ABHD17C: variants seen among roughly 807,000 people sequenced by gnomAD.
ABHD17C encodes alpha/beta hydrolase domain-containing protein 17C.
A neutral mutation model predicts 27.9 loss-of-function variants in ABHD17C; 11 were observed. The observed-to-expected ratio is 0.39, with a 90% confidence interval of 0.25 to 0.65. The LOEUF is 0.65. Ranked by LOEUF, ABHD17C falls within the 30% of genes least tolerant of loss-of-function variation. The pLI, the probability that ABHD17C is intolerant of heterozygous loss-of-function variation, is 0.45. For synonymous variants in ABHD17C, 233 were observed against 209.1 expected, an observed-to-expected ratio of 1.11 and a Z score of -0.98; for missense variants, 280 against 470.2, an observed-to-expected ratio of 0.60 and a Z score of 3.74.
chr15:80,736,619 G>A (rs978543047), intron 1 of ABHD17C, among the ~76,000 whole-genome samples: 7 of 152,012 alleles, frequency 4.6e-5, no homozygotes, highest in African/African-American at 1.7e-4. Context: ...TAACATTCAC[G>A]TTACCTTGTG....
At chr15:80,723,138 A>ATATGTGTGTGTGTG (rs58011508) in intron 1 of ABHD17C, among the ~76,000 whole-genome samples, 3 of 124,936 alleles carry the variant, frequency 2.4e-5, no homozygotes, top group African/African-American at 3.9e-5. Flanking sequence ...GTGTGTATAT[A>ATATGTGTGTGTGTG]TGTGTGTGTG....
intron 1 of ABHD17C, among the ~76,000 whole-genome samples, chr15:80,697,238 C>G (rs927080562): frequency 6.6e-6 from 1 of 152,130 alleles, no homozygotes; most frequent in African/African-American, 2.4e-5. Flanking sequence ...AGGGGATGCC[C>G]TCATTGGGAT....
intron 1 of ABHD17C, among the ~76,000 whole-genome samples, chr15:80,718,074 C>T (rs1489203577): frequency 2.6e-5 from 4 of 152,022 alleles, no homozygotes; most frequent in Non-Finnish European, 4.4e-5. Flanking sequence ...AAACAGAAGC[C>T]TACTTGAGTT....
intron 1 of ABHD17C, among the ~76,000 whole-genome samples, chr15:80,726,747 G>C (rs1424162108): frequency 6.6e-6 from 1 of 151,888 alleles, no homozygotes; most frequent in African/African-American, 2.4e-5. Context: ...GGATGGTCTC[G>C]ATCTCCTGAC....
chr15:80,722,511 C>T (rs1894910568), intron 1 of ABHD17C, among the ~76,000 whole-genome samples: 1 of 151,864 alleles, frequency 6.6e-6, no homozygotes, highest in South Asian at 2.1e-4. Flanking sequence ...TTGCCATAAA[C>T]TTATCCATCA....
intron 1 of ABHD17C, among the ~76,000 whole-genome samples, chr15:80,718,861 T>G (rs1567033566): frequency 6.6e-6 from 1 of 152,208 alleles, no homozygotes; most frequent in Non-Finnish European, 1.5e-5. Context: ...AGGAGAGAGA[T>G]AATAACTTTG....
chr15:80,709,314 C>T (rs1293591501), intron 1 of ABHD17C, among the ~76,000 whole-genome samples: 2 of 151,732 alleles, frequency 1.3e-5, no homozygotes, highest in Non-Finnish European at 1.5e-5. Context: ...CATGGTGATA[C>T]CCCATCTCTA....
intron 1 of ABHD17C, among the ~76,000 whole-genome samples, chr15:80,707,582 A>C (rs190308128): frequency 5.3e-5 from 8 of 152,100 alleles, no homozygotes; most frequent in African/African-American, 1.9e-4. Context: ...AAAAAAAAAA[A>C]CGCAAAAAAT....
intron 1 of ABHD17C, among the ~76,000 whole-genome samples, chr15:80,716,373 C>A: frequency 6.6e-6 from 1 of 151,666 alleles, no homozygotes; most frequent in East Asian, 2.0e-4. Flanking sequence ...CAGGGACAGC[C>A]GCGTAAGACA....
chr15:80,715,024 G>A (rs1022477940), intron 1 of ABHD17C, among the ~76,000 whole-genome samples: 9 of 152,238 alleles, frequency 5.9e-5, no homozygotes, highest in African/African-American at 1.9e-4. Flanking sequence ...CTCGTGATCC[G>A]CCCACCTCGG....
chr15:80,754,584 C>G lies in ABHD17C; in HGVS notation c.*214C>G. 1.9e-6 allele frequency: 1 copy of G among 525,508 alleles called. No homozygotes were observed. Among genetic ancestry groups the G allele is most frequent in the Non-Finnish European group, 3.4e-6 (1 of 295,012 alleles). 32.6% of individuals were successfully genotyped at this position (525,508 alleles called of 1,614,324 possible). A position where few individuals can be genotyped will look rare whatever the true frequency, so the allele number is the denominator to read the frequency against. On this transcript the variant is annotated 3_prime_UTR_variant, in exon 3 of 3. Transcript: ENST00000258884. ...CACGTTAAACTGAACAGTCGTGATT[C>G]CCAGCTTCATTACCTTGCAGGAATG...
intron 2 of ABHD17C, 46 bp downstream of exon 2, chr15:80,749,738 T>G: frequency 2.6e-6 from 4 of 1,556,916 alleles, no homozygotes; most frequent in Non-Finnish European, 3.5e-6. Flanking sequence ...CCAATGACTG[T>G]GTTTATATCT....
rs10523879 is a variant in ABHD17C at position 80,705,333 on chromosome 15, T to TTTGTG, written c.590+9315_590+9316insTGTGT. 4.0e-4 allele frequency among the ~76,000 whole-genome samples: 43 copies of TTTGTG among 106,892 alleles called. 1 individual carries two copies. In the East Asian group the frequency reaches 0.01, roughly 26 times the overall value. The allele number at this position is 106,892 out of a possible 152,430, so 70.1% of individuals were successfully genotyped here. On this transcript the variant is annotated intron_variant, in intron 1 of 2. Transcript: ENST00000258884. ...CCTGCAGTTCTGAGCTTCCTATGAT[T>TTTGTG]TGTGTGTGTGTGTGTGTGTGTGTGT...
At chr15:80,751,755 TA>T (rs1895369510) in intron 2 of ABHD17C, among the ~76,000 whole-genome samples, 1 of 152,166 alleles carries the variant, frequency 6.6e-6, no homozygotes, top group Non-Finnish European at 1.5e-5. Context: ...CCCTGTCTCT[TA>T]AAAAAATTTT....
chr15:80,741,478 T>C (rs916034025), intron 1 of ABHD17C, among the ~76,000 whole-genome samples: 1 of 151,358 alleles, frequency 6.6e-6, no homozygotes, highest in Admixed American at 6.9e-5. Flanking sequence ...GGAAGCCCTG[T>C]ACATGCAGCA....
chr15:80,706,972 G>A (rs1207050943), intron 1 of ABHD17C, among the ~76,000 whole-genome samples: 1 of 152,154 alleles, frequency 6.6e-6, no homozygotes, highest in Non-Finnish European at 1.5e-5. Context: ...TCACTTTGAA[G>A]CATGTTTTAT....
chr15:80,745,557 G>T (rs2141521041), intron 1 of ABHD17C, among the ~76,000 whole-genome samples: 1 of 152,140 alleles, frequency 6.6e-6, no homozygotes, highest in East Asian at 1.9e-4. Context: ...TGTGGAGATG[G>T]TGTCTTGCTT....
intron 1 of ABHD17C, among the ~76,000 whole-genome samples, chr15:80,746,398 A>C (rs1350059378): frequency 1.3e-5 from 2 of 151,412 alleles, no homozygotes; most frequent in Non-Finnish European, 2.9e-5. Flanking sequence ...GTGTCTTCTG[A>C]TGACCGGAAG....
At position 80,742,343 on chromosome 15, in the gene ABHD17C, G is replaced by C. The variant is rs146220558; in HGVS notation, c.591-7170G>C. Among the ~76,000 whole-genome samples, 373 of 152,288 alleles carry C rather than the reference G, an allele frequency of 2.4e-3. 1 individual carries two copies. The highest frequency in any genetic ancestry group is 7.7e-3 in the African/African-American group (318 of 41,548). On this transcript the variant is annotated intron_variant, in intron 1 of 2. Coordinates refer to ENST00000258884, the MANE Select transcript of ABHD17C (RefSeq NM_021214.2). ...AAAGGCCTGAGAATCTTGCCGGGGG[G>C]TGAAAGTGGGCAGGGGAAGGATACA...
Sources: allele counts gnomAD v4.1 joint callset (sites outside exome capture counted in the v4.1 genomes callset), GRCh38; gene constraint gnomAD v4.1.1; transcripts MANE v1.5; gene names NCBI Gene and HGNC (gene_info 2026-07-23, HGNC 2026-07-21).